Variants in GPS1 observed in about 807,000 individuals in gnomAD.
GPS1 encodes G protein pathway suppressor 1, also known as COP9 signalosome complex subunit 1.
A neutral mutation model predicts 60.0 loss-of-function variants in GPS1; 11 were observed. The observed-to-expected ratio is 0.18, with a 90% CI of 0.12 to 0.30. GPS1 has a LOEUF of 0.30. GPS1 is among the 10% of genes least tolerant of loss of function. The pLI is 1.00. For synonymous variants in GPS1, 343 were observed against 269.8 expected (o/e 1.27, Z -2.66); for missense variants, 543 against 669.2 (o/e 0.81, Z 2.08).
At chr17:82,056,788 G>A in intron 11 of GPS1, 22 bp downstream of exon 11, 1 of 1,604,460 alleles carries the variant, frequency 6.2e-7, no homozygotes, top group Non-Finnish European at 8.5e-7. Flanking sequence ...CTGCGGGGCG[G>A]TGGGGGCAGC....
chr17:82,054,543 G>C lies in GPS1; in HGVS notation c.342G>C (p.Glu114Asp). The C allele has an allele frequency of 6.4e-7, 1 of 1,569,808 alleles. No homozygotes were observed. Among genetic ancestry groups the C allele is most frequent in the Non-Finnish European group, 8.6e-7 (1 of 1,158,632 alleles). The change falls in exon 4 of 13, where the codon GAG becomes GAC. Residue 114 changes from glutamate (E) to aspartate (D), a missense_variant. Coordinates refer to ENST00000578552, the MANE Select transcript of GPS1 (RefSeq NM_001321092.3). ...ELQNAPDAIP[E>D]SGVEPPALDT... ...AGAACGCACCCGACGCCATCCCTGA[G>C]AGCGGCGTGGAGCCCCCAGCCCTGG...
intron 1 of GPS1, chr17:82,052,923 A>G: frequency 8.1e-6 from 2 of 247,232 alleles, no homozygotes; most frequent in Non-Finnish European, 1.6e-5. Context: ...AGGAAACTAC[A>G]TCAGGATGGT....
At chr17:82,053,455 G>T (rs1200835698) in intron 2 of GPS1, 89 bp downstream of exon 2, 1 of 937,646 alleles carries the variant, frequency 1.1e-6, no homozygotes, top group Non-Finnish European at 1.5e-6. Flanking sequence ...ACAGCAGGTA[G>T]AATGATCCTC....
intron 1 of GPS1, chr17:82,052,472 A>T (rs1213309089): frequency 6.2e-7 from 1 of 1,605,826 alleles, no homozygotes; most frequent in Non-Finnish European, 8.5e-7. Context: ...ACCTTCCAGG[A>T]CAGGGACCCC....
chr17:82,054,148 G>T, intron 3 of GPS1, 99 bp downstream of exon 3: 1 of 1,347,238 alleles, frequency 7.4e-7, no homozygotes. Flanking sequence ...TCCCACCCCT[G>T]TGCTGGGAAG....
At chr17:82,052,271 G>C in intron 1 of GPS1, 1 of 1,612,252 alleles carries the variant, frequency 6.2e-7, no homozygotes, top group South Asian at 1.1e-5. Context: ...AGCCAGCTCT[G>C]TGTCAGGGTC....
At chr17:82,054,372 G>A (rs1361566441) in intron 3 of GPS1, 138 bp from the exon 4 acceptor site, 7 of 1,141,152 alleles carry the variant, frequency 6.1e-6, no homozygotes, top group Non-Finnish European at 6.0e-6. Flanking sequence ...GGTCCCTAGA[G>A]GTGGGGTTTG....
upstream of GPS1, chr17:82,051,502 G>C: frequency 7.2e-7 from 1 of 1,381,602 alleles, no homozygotes; most frequent in Non-Finnish European, 9.4e-7. This position sits in a 1 kb window ranked among gnomAD's most constrained non-coding sequence, Gnocchi z 4.1. Flanking sequence ...CGGCGCACCT[G>C]CTGGCGGGCC....
intron 2 of GPS1, chr17:82,053,597 G>T (rs1382238993): frequency 1.9e-6 from 1 of 536,256 alleles, no homozygotes; most frequent in Non-Finnish European, 3.2e-6. Flanking sequence ...TCCCCGCTCA[G>T]CCTAGCGACC....
chr17:82,051,472 T>C (rs913615428), upstream of GPS1: 2 of 1,346,644 alleles, frequency 1.5e-6, no homozygotes, highest in Non-Finnish European at 1.9e-6. The surrounding 1 kb of genome is among the most constrained non-coding windows in gnomAD (Gnocchi z 4.1). Context: ...GGCGTGGGGC[T>C]CGCCGTCGGG....
intron 1 of GPS1, chr17:82,052,400 GGCACGGCCGGGGAC>G (rs1330160730): frequency 2.3e-5 from 37 of 1,611,578 alleles, no homozygotes; most frequent in Non-Finnish European, 2.9e-5. Flanking sequence ...CGTCCTGCCC[GGCACGGCCGGGGAC>G]TTCAGCCTGA....
intron 3 of GPS1, 166 bp downstream of exon 3, chr17:82,054,215 G>T (rs1016007332): frequency 1.7e-5 from 14 of 803,926 alleles, no homozygotes; most frequent in Non-Finnish European, 2.1e-5. Context: ...CCCTGTGTGT[G>T]TGTGGCTTCT....
chr17:82,055,005 C>T (rs767047840), intron 5 of GPS1, 30 bp downstream of exon 5: 2 of 1,612,428 alleles, frequency 1.2e-6, no homozygotes, highest in South Asian at 1.1e-5. Context: ...AGACCTTGCC[C>T]CCAGGATTCC....
chr17:82,051,855 G>GC (rs1199134925), upstream of GPS1: 33 of 1,150,112 alleles, frequency 2.9e-5, no homozygotes, highest in African/African-American at 1.6e-4. This position sits in a 1 kb window ranked among gnomAD's most constrained non-coding sequence, Gnocchi z 4.1. Context: ...CAGCGGCCCC[G>GC]CCCCGCCCCG....
chr17:82,056,790 G>A, intron 11 of GPS1, 24 bp downstream of exon 11: 1 of 1,604,420 alleles, frequency 6.2e-7, no homozygotes, highest in Non-Finnish European at 8.5e-7. Context: ...GCGGGGCGGT[G>A]GGGGCAGCTG....
intron 3 of GPS1, 84 bp downstream of exon 3, chr17:82,054,133 G>C (rs1193216753): frequency 7.0e-7 from 1 of 1,421,570 alleles, no homozygotes; most frequent in East Asian, 2.5e-5. Flanking sequence ...CCTGTGCCCT[G>C]CATCTCCCAC....
At chr17:82,055,322 C>G (rs745534797) in intron 6 of GPS1, 100 bp downstream of exon 6, 75 of 1,233,328 alleles carry the variant, frequency 6.1e-5, no homozygotes, top group Non-Finnish European at 8.2e-5. Flanking sequence ...CCAGGGAAAA[C>G]TTCCCTGGCA....
intron 1 of GPS1, chr17:82,052,250 C>T: frequency 1.9e-6 from 3 of 1,608,194 alleles, no homozygotes; most frequent in Non-Finnish European, 2.5e-6. Flanking sequence ...CTCTTTCTCC[C>T]TTCAGCAGCC....
chr17:82,052,191 C>T (rs2030871764), intron 1 of GPS1: 3 of 1,403,666 alleles, frequency 2.1e-6, no homozygotes, highest in Non-Finnish European at 2.9e-6. Context: ...GCCCCGCCTC[C>T]CCTCCCAGCA....
Sources: gnomAD v4.1 joint callset for allele counts on GRCh38, gnomAD v4.1.1 for gene constraint, Gnocchi (gnomAD v3.1) non-coding constraint, MANE v1.5 for transcripts, NCBI Gene and HGNC (gene_info 2026-07-23, HGNC 2026-07-21) for gene names.